Variants in TMEM74 observed in about 807,000 individuals in gnomAD.
TMEM74 encodes the protein transmembrane protein 74.
A neutral mutation model predicts 18.1 loss-of-function variants in TMEM74; 13 were observed. The ratio of observed to expected loss-of-function variants is 0.72; its 90% CI spans 0.47 to 1.14. The LOEUF (loss-of-function observed/expected upper bound fraction) is 1.14, where lower values mean the gene tolerates loss of function less well. Ranked by LOEUF, TMEM74 falls within the 50% of genes most tolerant of loss-of-function variation. The pLI is 0.00. For synonymous variants in TMEM74, 159 were observed against 146.6 expected (o/e 1.08, Z -0.61); for missense variants, 372 against 375.9 (o/e 0.99, Z 0.09).
intron 1 of TMEM74, among the ~76,000 whole-genome samples, chr8:108,764,363 C>T (rs1586289573): frequency 1.3e-5 from 2 of 152,124 alleles, no homozygotes; most frequent in South Asian, 4.1e-4. Context: ...AAACCTCAAA[C>T]ATTTGTCAAT....
rs141331347 is a variant in TMEM74 at position 108,784,846 on chromosome 8, G to A, written c.253C>T (p.Leu85Phe). The A allele has an allele frequency of 1.9e-6, 3 of 1,614,212 alleles. No individual in the cohort carries two copies. The highest frequency in any genetic ancestry group is 1.6e-4 in the Middle Eastern group (1 of 6,062). Residue 85 changes from leucine to phenylalanine, a missense_variant, in exon 2 of 2, where the codon CTT becomes TTT. Transcript: ENST00000297459. ...TLQPDAFPPGLLHSGNNQITA... is the reference protein window; with the variant it reads ...TLQPDAFPPGFLHSGNNQITA... The stretch of plus-strand genomic sequence containing the variant: ...ATTTGGTTGTTCCCTGAGTGGAGAA[G>A]TCCTGGTGGAAAGGCATCTGGCTGA...
At chr8:108,635,535 T>C (rs546935310) in intron 2 of TMEM74, among the ~76,000 whole-genome samples, 1 of 152,220 alleles carries the variant, frequency 6.6e-6, no homozygotes, top group East Asian at 1.9e-4. Context: ...AAATTTAATT[T>C]CTTACTATTC....
rs1586297465 is a variant in TMEM74 at position 108,784,043 on chromosome 8, A to T, written c.*138T>A. ...TCTAAATAGAAGACACATAGAGAAC[A>T]AAAACACTTACTGGCTGTTGGTTTG... On this transcript the variant is annotated 3_prime_UTR_variant, in exon 2 of 2. Transcript: ENST00000297459. 1 of 749,870 alleles carries T rather than the reference A, an allele frequency of 1.3e-6. No homozygotes were observed. The highest frequency in any genetic ancestry group is 2.8e-5 in the East Asian group (1 of 36,066). The allele number at this position is 749,870 out of a possible 1,614,324, so 46.5% of individuals were successfully genotyped here. A position where few individuals can be genotyped will look rare whatever the true frequency, so the allele number is the denominator to read the frequency against.
At chr8:108,616,956 C>G (rs745586842) in intron 2 of TMEM74, among the ~76,000 whole-genome samples, 8 of 151,116 alleles carry the variant, frequency 5.3e-5, no homozygotes, top group Non-Finnish European at 1.2e-4. Flanking sequence ...TATATACTGA[C>G]TATATATTTA....
intron 1 of TMEM74, among the ~76,000 whole-genome samples, chr8:108,787,208 G>A (rs1285694912): frequency 6.6e-6 from 1 of 152,140 alleles, no homozygotes; most frequent in Non-Finnish European, 1.5e-5. Context: ...TCTCGGGGAG[G>A]CGACCTCTGG....
At chr8:108,741,836 CG>C (rs2130646583) in intron 1 of TMEM74, among the ~76,000 whole-genome samples, 1 of 152,224 alleles carries the variant, frequency 6.6e-6, no homozygotes, top group South Asian at 2.1e-4. Flanking sequence ...CTCAGTAGAT[CG>C]CTTTGGCCTA....
chr8:108,610,831 A>C (rs1448411429), intron 2 of TMEM74, among the ~76,000 whole-genome samples: 1 of 152,226 alleles, frequency 6.6e-6, no homozygotes, highest in Non-Finnish European at 1.5e-5. Flanking sequence ...AGAGGCCACT[A>C]GAGGGTTTTG....
At chr8:108,701,635 T>A (rs1813336057) in intron 1 of TMEM74, among the ~76,000 whole-genome samples, 1 of 152,068 alleles carries the variant, frequency 6.6e-6, no homozygotes, top group Non-Finnish European at 1.5e-5. Flanking sequence ...AAGCACAATA[T>A]CATTTAAAAT....
intron 2 of TMEM74, among the ~76,000 whole-genome samples, chr8:108,630,047 A>G (rs1254285577): frequency 6.6e-6 from 1 of 152,114 alleles, no homozygotes; most frequent in Non-Finnish European, 1.5e-5. Flanking sequence ...GGCAAATTGG[A>G]TAAATAATCA....
At chr8:108,723,774 T>C (rs1813608126) in intron 1 of TMEM74, among the ~76,000 whole-genome samples, 1 of 152,014 alleles carries the variant, frequency 6.6e-6, no homozygotes, top group Admixed American at 6.6e-5. Context: ...AGAAGGCACA[T>C]TAAAGGGGGG....
intron 1 of TMEM74, among the ~76,000 whole-genome samples, chr8:108,705,682 T>C (rs1813389930): frequency 6.6e-6 from 1 of 152,090 alleles, no homozygotes; most frequent in Non-Finnish European, 1.5e-5. Context: ...TCGTACATCT[T>C]TTATGTACCT....
At chr8:108,769,320 C>T (rs1277175034) in intron 1 of TMEM74, among the ~76,000 whole-genome samples, 1 of 152,058 alleles carries the variant, frequency 6.6e-6, no homozygotes, top group Non-Finnish European at 1.5e-5. Context: ...GAACAAGACT[C>T]TATCTTACAC....
chr8:108,709,522 G>A (rs894862933), intron 1 of TMEM74, among the ~76,000 whole-genome samples: 1 of 152,134 alleles, frequency 6.6e-6, no homozygotes, highest in African/African-American at 2.4e-5. Context: ...GCCAGGGGCA[G>A]GGGAGTAAGA....
chr8:108,645,703 G>A (rs1166821247), intron 2 of TMEM74, among the ~76,000 whole-genome samples: 1 of 152,078 alleles, frequency 6.6e-6, no homozygotes, highest in African/African-American at 2.4e-5. Flanking sequence ...CCAAAACATG[G>A]AGCACAGACA....
At chr8:108,675,707 T>G (rs1370284207) in intron 1 of TMEM74, among the ~76,000 whole-genome samples, 2 of 152,152 alleles carry the variant, frequency 1.3e-5, no homozygotes, top group Admixed American at 1.3e-4. Flanking sequence ...TTAGAAAAGG[T>G]GAAACAGAAA....
At chr8:108,747,002 T>C (rs1813854811) in intron 1 of TMEM74, among the ~76,000 whole-genome samples, 1 of 152,208 alleles carries the variant, frequency 6.6e-6, no homozygotes, top group African/African-American at 2.4e-5. Flanking sequence ...TCTTGAGTTC[T>C]ATGAGCCATT....
chr8:108,643,604 A>G (rs1487802806), intron 2 of TMEM74, among the ~76,000 whole-genome samples: 1 of 152,030 alleles, frequency 6.6e-6, no homozygotes, highest in Non-Finnish European at 1.5e-5. Context: ...GGCCAGGTGC[A>G]GTGACTCATG....
intron 1 of TMEM74, among the ~76,000 whole-genome samples, chr8:108,726,016 G>T (rs559373538): frequency 6.6e-6 from 1 of 152,208 alleles, no homozygotes; most frequent in Admixed American, 6.5e-5. Context: ...AATGCACCTG[G>T]GTAAATAAGG....
At chr8:108,674,480 T>C (rs1034569675) in intron 1 of TMEM74, among the ~76,000 whole-genome samples, 5 of 152,156 alleles carry the variant, frequency 3.3e-5, no homozygotes, top group East Asian at 1.9e-4. Flanking sequence ...GTCTGACTCA[T>C]GAGATCATTT....
Sources: gnomAD v4.1 joint callset for allele counts (sites outside exome capture counted in the v4.1 genomes callset) on GRCh38, gnomAD v4.1.1 for gene constraint, MANE v1.5 for transcripts, NCBI Gene and HGNC (gene_info 2026-07-23, HGNC 2026-07-21) for gene names.